PCSK2: variants seen among roughly 807,000 people sequenced by gnomAD.
PCSK2 encodes proprotein convertase subtilisin/kexin type 2, also known as neuroendocrine convertase 2.
Under a neutral mutation model 69.7 loss-of-function variants are expected in PCSK2, and 14 were observed. That is an observed-to-expected ratio of 0.20 (90% CI 0.13 to 0.31). The LOEUF is 0.31. PCSK2 is among the 10% of genes least tolerant of loss of function. The pLI, the probability that PCSK2 is intolerant of heterozygous loss-of-function variation, is 1.00. For synonymous variants in PCSK2, 307 were observed against 320.7 expected (o/e 0.96, Z 0.46); for missense variants, 544 against 842.5 (o/e 0.65, Z 4.39).
chr20:17,299,426 T>A (rs936717813), intron 2 of PCSK2, among the ~76,000 whole-genome samples: 2 of 152,174 alleles, frequency 1.3e-5, no homozygotes, highest in Non-Finnish European at 2.9e-5. Flanking sequence ...ATAATGTTTT[T>A]ATATTTGCCA....
At chr20:17,436,370 C>A (rs2123350574) in intron 7 of PCSK2, among the ~76,000 whole-genome samples, 1 of 152,312 alleles carries the variant, frequency 6.6e-6, no homozygotes, top group East Asian at 1.9e-4. Context: ...CTGCAGCCAA[C>A]ACCCAGTTCT....
chr20:17,411,734 T>C (rs377537617), intron 6 of PCSK2, among the ~76,000 whole-genome samples: 31 of 152,220 alleles, frequency 2.0e-4, no homozygotes, highest in African/African-American at 5.1e-4. Flanking sequence ...CTTACCCCCA[T>C]GTAGCCTAAC....
chr20:17,407,273 G>A (rs1457172943), intron 5 of PCSK2, among the ~76,000 whole-genome samples: 1 of 152,136 alleles, frequency 6.6e-6, no homozygotes, highest in Non-Finnish European at 1.5e-5. Context: ...ACCTCAGAAG[G>A]AAGAGGCAGC....
rs3076241 is a variant in PCSK2, at chr20:17,333,910, CATATATATAT to C, written c.283-24400_283-24391del. Among the ~76,000 whole-genome samples, 14 of 86,400 alleles carry C rather than the reference CATATATATAT, an allele frequency of 1.6e-4. 1 individual carries two copies. Among genetic ancestry groups the C allele is most frequent in the East Asian group, 1.3e-3 (1 of 760 alleles). 56.7% of individuals were successfully genotyped at this position (86,400 alleles called of 152,430 possible). On this transcript the variant is annotated intron_variant, in intron 2 of 11. Coordinates refer to ENST00000262545, the MANE Select transcript of PCSK2 (RefSeq NM_002594.5). ...TACATTTCTTCCTTCTAAGTCACTG[CATATATATAT>C]ATATATATATATATATGGCTTCAAA... is the stretch of plus-strand genomic sequence containing the variant.
chr20:17,258,802 G>A (rs1045295717), intron 1 of PCSK2, among the ~76,000 whole-genome samples: 3 of 144,224 alleles, frequency 2.1e-5, no homozygotes, highest in African/African-American at 7.6e-5. Flanking sequence ...GTGTGTTTAA[G>A]CAAGGAAGAA....
chr20:17,379,063 G>A (rs2031014844), intron 5 of PCSK2, among the ~76,000 whole-genome samples: 1 of 152,146 alleles, frequency 6.6e-6, no homozygotes, highest in African/African-American at 2.4e-5. Context: ...TCAAAATGCT[G>A]CTTCTGCTGA....
chr20:17,408,769 A>G (rs2031808430), intron 5 of PCSK2, among the ~76,000 whole-genome samples: 1 of 152,228 alleles, frequency 6.6e-6, no homozygotes. Context: ...ATGGGGTTTA[A>G]AACCCATAAG....
rs1989811598 is a variant in PCSK2 at position 17,319,863 on chromosome 20, CT to C, written c.283-38458del. Among the ~76,000 whole-genome samples, 3 of 152,208 alleles carry C rather than the reference CT, an allele frequency of 2.0e-5. 1 individual carries two copies. In the South Asian group the frequency reaches 6.2e-4, roughly 32 times the overall value. On this transcript the variant is annotated intron_variant, in intron 2 of 11. Coordinates refer to ENST00000262545, the MANE Select transcript of PCSK2 (RefSeq NM_002594.5). ...GGACAACTTAAATTCAGAAAGGTGACTTTTTTGGGCCCAAAGTCACATGACT... is the reference window on the plus strand; with the variant it reads ...GGACAACTTAAATTCAGAAAGGTGACTTTTTGGGCCCAAAGTCACATGACT...
intron 6 of PCSK2, among the ~76,000 whole-genome samples, chr20:17,426,924 C>T (rs2032259981): frequency 6.6e-6 from 1 of 152,298 alleles, no homozygotes; most frequent in South Asian, 2.1e-4. Context: ...CTGGATACCT[C>T]GTGGCCCAGC....
At chr20:17,392,122 A>G (rs899131505) in intron 5 of PCSK2, among the ~76,000 whole-genome samples, 5 of 152,182 alleles carry the variant, frequency 3.3e-5, no homozygotes, top group Non-Finnish European at 7.4e-5. Context: ...TATATCCCCC[A>G]AGGTATTATG....
intron 1 of PCSK2, among the ~76,000 whole-genome samples, chr20:17,254,962 CTTGGA>C (rs1433029543): frequency 2.6e-5 from 4 of 152,094 alleles, no homozygotes; most frequent in Non-Finnish European, 2.9e-5. Context: ...TAACTTTATG[CTTGGA>C]TTGTTCATTG....
intron 2 of PCSK2, among the ~76,000 whole-genome samples, chr20:17,315,997 G>C (rs1342098251): frequency 1.3e-5 from 2 of 152,202 alleles, no homozygotes; most frequent in Non-Finnish European, 2.9e-5. Context: ...TTCCTGCTGG[G>C]AGCGAGTGCG....
In PCSK2 at chr20:17,445,241, C is replaced by T. The variant is rs181040393; in HGVS notation, c.885+8358C>T. 6.8e-4 allele frequency among the ~76,000 whole-genome samples: 104 copies of T among 152,258 alleles called. 1 individual carries two copies. The highest frequency in any genetic ancestry group is 6.8e-3 in the Middle Eastern group (2 of 294). On this transcript the variant is annotated intron_variant, in intron 8 of 11. Coordinates refer to ENST00000262545, the MANE Select transcript of PCSK2 (RefSeq NM_002594.5). ...ACAACCAGAAGGGGAATTCGGGTGA[C>T]GCTAGAAGGTCTTGAAAGTGACAAC... is the stretch of plus-strand genomic sequence containing the variant.
intron 2 of PCSK2, among the ~76,000 whole-genome samples, chr20:17,352,846 GC>G (rs1460177720): frequency 6.6e-6 from 1 of 152,050 alleles, no homozygotes; most frequent in Non-Finnish European, 1.5e-5. Context: ...GAATTGACAG[GC>G]GGACCTAATT....
At chr20:17,251,774 G>A (rs139927410) in intron 1 of PCSK2, among the ~76,000 whole-genome samples, 26 of 152,262 alleles carry the variant, frequency 1.7e-4, no homozygotes, top group African/African-American at 6.0e-4. Flanking sequence ...ATCCAGGCAG[G>A]GCACAGTGGA....
intron 11 of PCSK2, among the ~76,000 whole-genome samples, chr20:17,471,778 C>T (rs2033206225): frequency 6.6e-6 from 1 of 152,224 alleles, no homozygotes; most frequent in South Asian, 2.1e-4. Flanking sequence ...ATTTGGAGAG[C>T]AGCCCCAGGG....
intron 5 of PCSK2, among the ~76,000 whole-genome samples, chr20:17,402,693 G>A (rs1051332627): frequency 4.2e-5 from 6 of 144,468 alleles, no homozygotes; most frequent in African/African-American, 1.6e-4. Context: ...GGTGGCTCAT[G>A]CCTGTAATCC....
At chr20:17,422,299 A>G (rs1280723893) in intron 6 of PCSK2, among the ~76,000 whole-genome samples, 3 of 152,188 alleles carry the variant, frequency 2.0e-5, no homozygotes, top group African/African-American at 7.2e-5. Flanking sequence ...GGTTCTCCCT[A>G]TCATCCCTTT....
chr20:17,282,055 C>T (rs1988336306), intron 2 of PCSK2, among the ~76,000 whole-genome samples: 1 of 152,186 alleles, frequency 6.6e-6, no homozygotes, highest in Non-Finnish European at 1.5e-5. Context: ...ATTAGTCTGA[C>T]TCCACCTTTC....
Sources: allele counts gnomAD v4.1 joint callset (sites outside exome capture counted in the v4.1 genomes callset), GRCh38; gene constraint gnomAD v4.1.1; transcripts MANE v1.5; gene names NCBI Gene and HGNC (gene_info 2026-07-23, HGNC 2026-07-21).